ROR1: variants seen among roughly 807,000 people sequenced by gnomAD.
The protein encoded by ROR1 is inactive tyrosine-protein kinase transmembrane receptor ROR1.
A neutral mutation model predicts 78.8 loss-of-function variants in ROR1; 19 were observed. The observed-to-expected ratio is 0.24, with a 90% CI of 0.17 to 0.35. The LOEUF (loss-of-function observed/expected upper bound fraction) is 0.35, where lower values mean the gene tolerates loss of function less well. Among genes scored for constraint, ROR1 ranks in the 10% least tolerant of loss-of-function variants. The pLI, the probability that ROR1 is intolerant of heterozygous loss-of-function variation, is 1.00. For missense variants in ROR1, 917 were observed against 1,177.8 expected, an observed-to-expected ratio of 0.78 and a Z score of 3.24; for synonymous variants, 386 against 433.6, an observed-to-expected ratio of 0.89 and a Z score of 1.36.
chr1:63,980,684 A>G (rs890576412), intron 1 of ROR1, among the ~76,000 whole-genome samples: 1 of 152,198 alleles, frequency 6.6e-6, no homozygotes, highest in Non-Finnish European at 1.5e-5. Flanking sequence ...AGGCATCTCA[A>G]TGGTTTATGT....
chr1:64,140,701 T>C (rs972652317), intron 6 of ROR1, among the ~76,000 whole-genome samples: 1 of 152,228 alleles, frequency 6.6e-6, no homozygotes, highest in Non-Finnish European at 1.5e-5. Context: ...CCTGAGTATG[T>C]AATCAAAAGA....
chr1:63,800,098 G>T (rs1321580913), intron 1 of ROR1, among the ~76,000 whole-genome samples: 1 of 152,146 alleles, frequency 6.6e-6, no homozygotes, highest in African/African-American at 2.4e-5. Flanking sequence ...GCTCAAAGAT[G>T]GGGATGCTTC....
At chr1:64,035,799 T>G (rs957028570) in intron 2 of ROR1, among the ~76,000 whole-genome samples, 1 of 152,168 alleles carries the variant, frequency 6.6e-6, no homozygotes, top group African/African-American at 2.4e-5. Flanking sequence ...TTTCCAGTTC[T>G]TGGTTCTCGT....
At chr1:64,067,436 C>T in intron 4 of ROR1, among the ~76,000 whole-genome samples, 1 of 129,780 alleles carries the variant, frequency 7.7e-6, no homozygotes, top group African/African-American at 3.1e-5. Flanking sequence ...CAGAGCGAGC[C>T]TCCGTCTCAA....
intron 2 of ROR1, among the ~76,000 whole-genome samples, chr1:64,024,017 T>C (rs1380627538): frequency 6.6e-6 from 1 of 152,170 alleles, no homozygotes; most frequent in African/African-American, 2.4e-5. Context: ...TCTCTCTCTT[T>C]CTCTCCTGTC....
chr1:64,001,643 A>G (rs285380), intron 1 of ROR1, among the ~76,000 whole-genome samples: 100,362 of 151,992 alleles, frequency 0.66, 37,593 homozygotes, highest in East Asian at 0.94. Flanking sequence ...TCCTGAATGG[A>G]CTTTCAAGAG....
At chr1:63,880,223 A>G (rs908759808) in intron 1 of ROR1, among the ~76,000 whole-genome samples, 1 of 152,232 alleles carries the variant, frequency 6.6e-6, no homozygotes, top group African/African-American at 2.4e-5. Flanking sequence ...TAAGAGCTTA[A>G]TAAATGTTAG....
chr1:63,919,836 A>T (rs945615156), intron 1 of ROR1, among the ~76,000 whole-genome samples: 1 of 152,226 alleles, frequency 6.6e-6, no homozygotes, highest in African/African-American at 2.4e-5. Flanking sequence ...TCTATAACTT[A>T]AAGCTTCGTC....
chr1:64,004,291 A>C (rs1013430170), intron 1 of ROR1, among the ~76,000 whole-genome samples: 8 of 152,222 alleles, frequency 5.3e-5, no homozygotes, highest in African/African-American at 1.9e-4. Context: ...TAAACACAAC[A>C]ATATATAAAA....
intron 1 of ROR1, among the ~76,000 whole-genome samples, chr1:63,975,673 G>A (rs1198907913): frequency 2.6e-5 from 4 of 152,176 alleles, no homozygotes; most frequent in Admixed American, 2.0e-4. Flanking sequence ...ATTTCTGAGC[G>A]TTATGTAATT....
In ROR1 at chr1:63,831,423, T is replaced by C. The variant is rs181461421; in HGVS notation, c.91+56915T>C. Among the ~76,000 whole-genome samples the C allele has an allele frequency of 3.7e-3, 559 of 152,348 alleles. 3 individuals carry two copies. The highest frequency in any genetic ancestry group is 6.2e-3 in the Non-Finnish European group (421 of 68,030). On this transcript the variant is annotated intron_variant, in intron 1 of 8. Coordinates refer to ENST00000371079, the MANE Select transcript of ROR1 (RefSeq NM_005012.4). ...CTTCTGAAGCTCAACTTTTGTCTTATGTGCACTCGCAGGCCCAACACCAGG... is the reference window on the plus strand; with the variant it reads ...CTTCTGAAGCTCAACTTTTGTCTTACGTGCACTCGCAGGCCCAACACCAGG...
intron 2 of ROR1, among the ~76,000 whole-genome samples, chr1:64,039,342 A>G (rs1042460920): frequency 1.3e-5 from 2 of 152,126 alleles, no homozygotes; most frequent in African/African-American, 4.8e-5. Flanking sequence ...CCAAGATGTG[A>G]CTTTAGAATA....
At chr1:64,066,318 C>CT (rs747396331) in intron 4 of ROR1, among the ~76,000 whole-genome samples, 4,838 of 139,848 alleles carry the variant, frequency 0.035, 228 homozygotes, top group African/African-American at 0.11. Flanking sequence ...TTTAAACTCA[C>CT]TTTTTTTTTT....
chr1:63,963,598 C>A (rs1447608986), intron 1 of ROR1, among the ~76,000 whole-genome samples: 14 of 147,814 alleles, frequency 9.5e-5, no homozygotes, highest in South Asian at 2.2e-4. Flanking sequence ...AAAAAAAAAA[C>A]AAAACAAAAA....
chr1:63,939,281 A>G (rs1459089201), intron 1 of ROR1, among the ~76,000 whole-genome samples: 6 of 152,156 alleles, frequency 3.9e-5, no homozygotes, highest in African/African-American at 1.4e-4. Flanking sequence ...CTTTAAGCCA[A>G]TGAAATCAGA....
chr1:63,835,634 T>C (rs1224657425), intron 1 of ROR1, among the ~76,000 whole-genome samples: 3 of 152,240 alleles, frequency 2.0e-5, no homozygotes, highest in Non-Finnish European at 4.4e-5. Flanking sequence ...CAGATACTGT[T>C]AGAAGCACTA....
At chr1:64,108,017 C>A (rs1339265204) in intron 4 of ROR1, among the ~76,000 whole-genome samples, 1 of 151,546 alleles carries the variant, frequency 6.6e-6, no homozygotes, top group African/African-American at 2.4e-5. Flanking sequence ...TGGTCTTGAT[C>A]TGGGCAGCAT....
intron 1 of ROR1, among the ~76,000 whole-genome samples, chr1:63,949,041 A>G (rs1403782899): frequency 6.6e-6 from 1 of 152,324 alleles, no homozygotes; most frequent in Non-Finnish European, 1.5e-5. Context: ...AATATGCTTA[A>G]TGAGCTACCC....
In ROR1 at chr1:64,013,885, G is replaced by A. The variant is rs528022867; in HGVS notation, c.163+4509G>A. 3.9e-5 allele frequency among the ~76,000 whole-genome samples: 6 copies of A among 152,364 alleles called. No individual in the cohort carries two copies. The East Asian group carries it at 9.6e-4, about 25-fold the overall frequency. ...TAGGTAACATGCAGTAGGAAACATG[G>A]CATTAAATTATTTGGGTTCAAATCC... On this transcript the variant is annotated intron_variant, in intron 2 of 8. Transcript: ENST00000371079.
Sources: gnomAD v4.1 joint callset for allele counts (sites outside exome capture counted in the v4.1 genomes callset) on GRCh38, gnomAD v4.1.1 for gene constraint, MANE v1.5 for transcripts, NCBI Gene and HGNC (gene_info 2026-07-23, HGNC 2026-07-21) for gene names.